CHRM3: variants seen among roughly 807,000 people sequenced by gnomAD.
The protein encoded by CHRM3 is muscarinic acetylcholine receptor M3.
Under a neutral mutation model 41.8 loss-of-function variants are expected in CHRM3, and 11 were observed. The ratio of observed to expected loss-of-function variants is 0.26; its 90% CI spans 0.17 to 0.44. CHRM3 has a LOEUF of 0.44. Among genes scored for constraint, CHRM3 ranks in the 20% least tolerant of loss-of-function variants. The pLI, the probability that CHRM3 is intolerant of heterozygous loss-of-function variation, is 1.00. For synonymous variants in CHRM3, 297 were observed against 301.4 expected (o/e 0.99, Z 0.15); for missense variants, 571 against 745.4 (o/e 0.77, Z 2.72).
intron 1 of CHRM3, among the ~76,000 whole-genome samples, chr1:239,462,129 T>G (rs1665406552): frequency 6.6e-6 from 1 of 152,220 alleles, no homozygotes; most frequent in African/African-American, 2.4e-5. Context: ...TCTTTTTCTC[T>G]GAAACATAAA....
At chr1:239,836,107 G>GAGGGGC (rs1454146474) in intron 6 of CHRM3, among the ~76,000 whole-genome samples, 2 of 152,260 alleles carry the variant, frequency 1.3e-5, no homozygotes, top group African/African-American at 4.8e-5. Context: ...TGTTTCAACT[G>GAGGGGC]AGGGGCATAC....
intron 1 of CHRM3, among the ~76,000 whole-genome samples, chr1:239,461,385 G>C (rs139994278): frequency 8.6e-4 from 131 of 152,222 alleles, no homozygotes; most frequent in African/African-American, 2.9e-3. Context: ...TGAATCTCAA[G>C]CTAGCTCAGG....
intron 1 of CHRM3, among the ~76,000 whole-genome samples, chr1:239,414,752 T>A (rs60146392): frequency 8.5e-5 from 13 of 152,228 alleles, no homozygotes; most frequent in African/African-American, 2.9e-4. Context: ...GCTTCTGGCC[T>A]TAAGGAACAC....
intron 1 of CHRM3, among the ~76,000 whole-genome samples, chr1:239,469,467 T>C (rs1665959499): frequency 6.6e-6 from 1 of 152,236 alleles, no homozygotes; most frequent in Non-Finnish European, 1.5e-5. Flanking sequence ...TTACAATCAT[T>C]ACTACCACAT....
intron 3 of CHRM3, among the ~76,000 whole-genome samples, chr1:239,569,686 G>A (rs1425570766): frequency 6.6e-6 from 1 of 152,144 alleles, no homozygotes; most frequent in Non-Finnish European, 1.5e-5. Flanking sequence ...AAGTAAAGCT[G>A]AAGTAATAAA....
chr1:239,465,431 G>T (rs1380708722), intron 1 of CHRM3, among the ~76,000 whole-genome samples: 3 of 152,216 alleles, frequency 2.0e-5, no homozygotes, highest in Non-Finnish European at 4.4e-5. Flanking sequence ...AAAGAGTCTT[G>T]AATGATAGGG....
At chr1:239,404,185 A>T (rs1313646761) in intron 1 of CHRM3, among the ~76,000 whole-genome samples, 1 of 150,916 alleles carries the variant, frequency 6.6e-6, no homozygotes, top group Admixed American at 6.6e-5. Context: ...GCTACTCGGG[A>T]GGCTGAGGCA....
chr1:239,810,533 A>G (rs1671037309), intron 5 of CHRM3, among the ~76,000 whole-genome samples: 1 of 152,214 alleles, frequency 6.6e-6, no homozygotes, highest in South Asian at 2.1e-4. Context: ...GGATTTCCAA[A>G]TGATGTGTTT....
intron 2 of CHRM3, among the ~76,000 whole-genome samples, chr1:239,521,175 G>C (rs1475106730): frequency 6.6e-6 from 1 of 152,170 alleles, no homozygotes; most frequent in Non-Finnish European, 1.5e-5. Flanking sequence ...AGCAAACCTA[G>C]ACTTCAACTA....
intron 1 of CHRM3, among the ~76,000 whole-genome samples, chr1:239,444,283 T>A (rs1337805623): frequency 6.6e-6 from 1 of 152,188 alleles, no homozygotes; most frequent in Non-Finnish European, 1.5e-5. Context: ...TCTTGTACAA[T>A]AAGATCTTAA....
intron 2 of CHRM3, among the ~76,000 whole-genome samples, chr1:239,536,958 T>C (rs887226897): frequency 6.6e-6 from 1 of 152,224 alleles, no homozygotes; most frequent in Non-Finnish European, 1.5e-5. Flanking sequence ...AAAATGATAA[T>C]TAAATTTCTT....
At chr1:239,593,269 C>T (rs552281446) in intron 3 of CHRM3, among the ~76,000 whole-genome samples, 1 of 152,186 alleles carries the variant, frequency 6.6e-6, no homozygotes, top group East Asian at 1.9e-4. Flanking sequence ...TTATTCTTTA[C>T]CTAGAGTAGC....
chr1:239,627,236 G>C (rs1346604969), intron 3 of CHRM3, among the ~76,000 whole-genome samples: 1 of 130,722 alleles, frequency 7.6e-6, no homozygotes, highest in African/African-American at 2.9e-5. Flanking sequence ...TTGTTGAATT[G>C]ATCCCTTTAC....
chr1:239,664,811 T>C (rs570366184), intron 4 of CHRM3, among the ~76,000 whole-genome samples: 239 of 152,328 alleles, frequency 1.6e-3, no homozygotes, highest in Middle Eastern at 3.4e-3. Flanking sequence ...CCGTTCTCAG[T>C]GTGGGTCTTC....
chr1:239,618,238 G>C (rs558156979), intron 3 of CHRM3, among the ~76,000 whole-genome samples: 1 of 147,816 alleles, frequency 6.8e-6, no homozygotes, highest in African/African-American at 2.5e-5. Flanking sequence ...GAAAGAGATA[G>C]ACATGTGAAT....
At chr1:239,716,702 G>A (rs1352483212) in intron 5 of CHRM3, among the ~76,000 whole-genome samples, 2 of 151,914 alleles carry the variant, frequency 1.3e-5, no homozygotes, top group Admixed American at 1.3e-4. Context: ...AAAAAAAGAA[G>A]AGGAAGAGGA....
At chr1:239,393,102 A>T (rs1294992680) in intron 1 of CHRM3, among the ~76,000 whole-genome samples, 2 of 152,088 alleles carry the variant, frequency 1.3e-5, no homozygotes, top group Non-Finnish European at 2.9e-5. Context: ...CAAGGTTATA[A>T]TGTACTATGA....
intron 1 of CHRM3, among the ~76,000 whole-genome samples, chr1:239,397,138 C>T (rs1389692753): frequency 6.6e-6 from 1 of 152,004 alleles, no homozygotes; most frequent in Non-Finnish European, 1.5e-5. Flanking sequence ...TGATGAACTG[C>T]GGGTGAAGTA....
At chr1:239,650,111 G>A (rs1056879941) in intron 4 of CHRM3, among the ~76,000 whole-genome samples, 1 of 152,156 alleles carries the variant, frequency 6.6e-6, no homozygotes, top group Non-Finnish European at 1.5e-5. Context: ...CTGTGCAAGA[G>A]CCCAGGCTCT....
Sources: gnomAD v4.1 joint callset for allele counts (sites outside exome capture counted in the v4.1 genomes callset) on GRCh38, gnomAD v4.1.1 for gene constraint, MANE v1.5 for transcripts, NCBI Gene and HGNC (gene_info 2026-07-23, HGNC 2026-07-21) for gene names.